Variants in RPS6KA5 observed in about 807,000 individuals in gnomAD.
The protein encoded by RPS6KA5 is ribosomal protein S6 kinase alpha-5.
In RPS6KA5, 27 loss-of-function variants were observed where a neutral mutation model predicts 85.5. The ratio of observed to expected loss-of-function variants is 0.32; its 90% CI spans 0.23 to 0.44. The LOEUF (loss-of-function observed/expected upper bound fraction) is 0.44, where lower values mean the gene tolerates loss of function less well. Ranked by LOEUF, RPS6KA5 falls within the 20% of genes least tolerant of loss-of-function variation. The pLI is 1.00. For synonymous variants in RPS6KA5, 334 were observed against 348.2 expected (o/e 0.96, Z 0.46); for missense variants, 811 against 980.9 (o/e 0.83, Z 2.31).
At chr14:90,917,416 G>GT (rs1359776823) in intron 7 of RPS6KA5, among the ~76,000 whole-genome samples, 1 of 152,046 alleles carries the variant, frequency 6.6e-6, no homozygotes, top group East Asian at 1.9e-4. Context: ...ATAATTTTAT[G>GT]TTTTTTTAAT....
chr14:90,916,251 C>T (rs2036113352), intron 7 of RPS6KA5, among the ~76,000 whole-genome samples: 1 of 152,128 alleles, frequency 6.6e-6, no homozygotes, highest in African/African-American at 2.4e-5. Context: ...CATGATGGCA[C>T]AACTATCAGG....
intron 2 of RPS6KA5, among the ~76,000 whole-genome samples, chr14:90,994,544 CTTCTTGGATGTTTGTGATT>C (rs2040433940): frequency 7.5e-6 from 1 of 133,916 alleles, no homozygotes; most frequent in Non-Finnish European, 1.6e-5. Context: ...TAGTGCTTTG[CTTCTTGGATGTTTGTGATT>C]TTTTTTTTTT....
chr14:90,983,918 C>G (rs2039945072), intron 2 of RPS6KA5, among the ~76,000 whole-genome samples: 1 of 151,594 alleles, frequency 6.6e-6, no homozygotes, highest in African/African-American at 2.4e-5. Flanking sequence ...GATCTTGGCT[C>G]ACTGCAACCT....
chr14:90,937,584 G>A (rs183288132), intron 5 of RPS6KA5, among the ~76,000 whole-genome samples: 7 of 152,094 alleles, frequency 4.6e-5, no homozygotes, highest in East Asian at 1.9e-4. Flanking sequence ...ATACATATCC[G>A]AGACTGGGAA....
At position 91,035,070 on chromosome 14, in the gene RPS6KA5, T is replaced by C. The variant is rs1487361179; in HGVS notation, c.103+25262A>G. On this transcript the variant is annotated intron_variant, in intron 1 of 16. Transcript: ENST00000614987. ...CACAAGGAAACAGAATATCTGAGCATGGAAACTGGAAAGCTATATGGAAAG... is the reference window on the plus strand; with the variant it reads ...CACAAGGAAACAGAATATCTGAGCACGGAAACTGGAAAGCTATATGGAAAG... 4.3e-4 allele frequency among the ~76,000 whole-genome samples: 66 copies of C among 152,008 alleles called. 2 individuals carry two copies. Among genetic ancestry groups the C allele is most frequent in the Admixed American group, 4.3e-3 (66 of 15,254 alleles).
Position 90,871,432 on chromosome 14 carries a change from AG to A in RPS6KA5, c.*641del, listed in dbSNP as rs2033103801. ...AAAATTAAAAACATACACATAGCTT[AG>A]CATGCATCTCAGATGGATCCCGAAT... On this transcript the variant is annotated 3_prime_UTR_variant, in exon 17 of 17. Transcript: ENST00000614987. 1 of 152,320 alleles carries A rather than the reference AG, an allele frequency of 6.6e-6. No individual in the cohort carries two copies. Among genetic ancestry groups the A allele is most frequent in the African/African-American group, 2.4e-5 (1 of 41,436 alleles). 9.4% of individuals were successfully genotyped at this position (152,320 alleles called of 1,614,324 possible).
At chr14:90,884,395 T>G (rs1216619909) in intron 14 of RPS6KA5, among the ~76,000 whole-genome samples, 2 of 152,180 alleles carry the variant, frequency 1.3e-5, no homozygotes, top group Non-Finnish European at 2.9e-5. Flanking sequence ...GCATTTTGAA[T>G]TTTCAGATTA....
In RPS6KA5 at chr14:90,872,308, G is replaced by C; in HGVS notation, c.2175C>G (p.Tyr725Ter). Residue 725 changes from tyrosine (Y) to a stop codon, truncating the protein, a stop_gained, in exon 17 of 17, where the codon TAC becomes TAG. Coordinates refer to ENST00000614987, the MANE Select transcript of RPS6KA5 (RefSeq NM_004755.4). LOFTEE classifies it high-confidence loss of function. ...VKATFHAFNKYKREGFCLQNV... is the reference protein window; with the variant it reads ...VKATFHAFNK ...TCTGAAGGCAAAACCCCTCTCTCTT[G>C]TATTTGTTAAAGGCCTGGCGGGGGA... 6.2e-7 allele frequency: 1 copy of C among 1,611,644 alleles called. No homozygotes were observed. The highest frequency in any genetic ancestry group is 8.5e-7 in the Non-Finnish European group (1 of 1,179,418).
At chr14:90,956,964 GT>G (rs61106740) in intron 3 of RPS6KA5, among the ~76,000 whole-genome samples, 5,704 of 123,218 alleles carry the variant, frequency 0.046, 291 homozygotes, top group African/African-American at 0.15. Flanking sequence ...CTGTTTTTCT[GT>G]TTTTTTTTTT....
chr14:91,027,919 G>A (rs2139823632), intron 1 of RPS6KA5, among the ~76,000 whole-genome samples: 1 of 152,288 alleles, frequency 6.6e-6, no homozygotes, highest in Non-Finnish European at 1.5e-5. Flanking sequence ...CTCCACCATA[G>A]AAGCTGTATC....
At chr14:90,970,668 C>A (rs1595367507) in intron 3 of RPS6KA5, among the ~76,000 whole-genome samples, 3 of 152,148 alleles carry the variant, frequency 2.0e-5, no homozygotes, top group Non-Finnish European at 4.4e-5. Context: ...TTATTTTCCA[C>A]ATAGAATTCC....
At chr14:90,881,603 C>T (rs1311750079) in intron 14 of RPS6KA5, among the ~76,000 whole-genome samples, 2 of 152,102 alleles carry the variant, frequency 1.3e-5, no homozygotes, top group Admixed American at 6.5e-5. Context: ...TGGGTTCAAG[C>T]GATTCTCCTG....
intron 4 of RPS6KA5, among the ~76,000 whole-genome samples, chr14:90,945,409 T>TA (rs2037821763): frequency 1.3e-5 from 2 of 152,352 alleles, no homozygotes; most frequent in East Asian, 1.9e-4. Flanking sequence ...TGCTTTTTCC[T>TA]AAAAAACAAC....
At chr14:90,917,635 T>C (rs1180465203) in intron 7 of RPS6KA5, among the ~76,000 whole-genome samples, 1 of 152,206 alleles carries the variant, frequency 6.6e-6, no homozygotes, top group Non-Finnish European at 1.5e-5. Flanking sequence ...TTTCCAGAAA[T>C]GGAATCATAT....
rs780292114 is a variant in RPS6KA5 at position 90,885,552 on chromosome 14, C to CA, written c.1836+4934dup. 1.3e-3 allele frequency among the ~76,000 whole-genome samples: 26 copies of CA among 19,876 alleles called. 5 individuals are homozygous for CA. Among genetic ancestry groups the CA allele is most frequent in the East Asian group, 9.9e-3 (2 of 202 alleles). 13.0% of individuals were successfully genotyped at this position (19,876 alleles called of 152,430 possible). A position where few individuals can be genotyped will look rare whatever the true frequency, so the allele number is the denominator to read the frequency against. On this transcript the variant is annotated intron_variant, in intron 14 of 16. Coordinates refer to ENST00000614987, the MANE Select transcript of RPS6KA5 (RefSeq NM_004755.4). ...TGGGCGACAGAGCGAGACTCCGTCT[C>CA]AAAAAAAAAAAAAAAAAAAAAAAAA...
intron 1 of RPS6KA5, among the ~76,000 whole-genome samples, chr14:91,005,652 T>C (rs2040987463): frequency 6.6e-6 from 1 of 152,194 alleles, no homozygotes; most frequent in Non-Finnish European, 1.5e-5. Flanking sequence ...AGTCTAGGTG[T>C]CTAAATAGTT....
intron 5 of RPS6KA5, among the ~76,000 whole-genome samples, chr14:90,937,791 C>G (rs2037350887): frequency 6.6e-6 from 1 of 152,182 alleles, no homozygotes; most frequent in Non-Finnish European, 1.5e-5. Flanking sequence ...ATCATGAGAA[C>G]AGCATGGGAA....
intron 1 of RPS6KA5, 61 bp downstream of exon 1, chr14:91,060,271 C>A: frequency 9.3e-7 from 1 of 1,070,324 alleles, no homozygotes; most frequent in Non-Finnish European, 1.1e-6. Context: ...GCGCGGGCAC[C>A]CGCGTGCCCT....
chr14:91,030,984 A>G (rs61989761), intron 1 of RPS6KA5, among the ~76,000 whole-genome samples: 16 of 152,166 alleles, frequency 1.1e-4, no homozygotes, highest in Non-Finnish European at 2.1e-4. Flanking sequence ...CCAGAGGAGG[A>G]CTAATTCAAA....
Sources: gnomAD v4.1 joint callset for allele counts (sites outside exome capture counted in the v4.1 genomes callset) on GRCh38, gnomAD v4.1.1 for gene constraint, MANE v1.5 for transcripts, NCBI Gene and HGNC (gene_info 2026-07-23, HGNC 2026-07-21) for gene names.